Variants in SV2C observed in about 807,000 individuals in gnomAD.
SV2C encodes synaptic vesicle glycoprotein 2C.
SV2C carries 49 observed loss-of-function variants against 79.7 expected under a neutral mutation model. The observed-to-expected ratio is 0.61, with a 90% CI of 0.49 to 0.78. The LOEUF is 0.78. SV2C is among the 30% of genes least tolerant of loss of function. The probability of loss-of-function intolerance (pLI) is 0.00; values close to 1 mark genes in which losing one functional copy is unlikely to be tolerated. For missense variants in SV2C, 833 were observed against 912.9 expected, an observed-to-expected ratio of 0.91 and a Z score of 1.13; for synonymous variants, 334 against 333.2, an observed-to-expected ratio of 1.00 and a Z score of -0.03.
chr5:76,094,212 A>G (rs1747469764), intron 1 of SV2C, among the ~76,000 whole-genome samples: 1 of 152,204 alleles, frequency 6.6e-6, no homozygotes, highest in African/African-American at 2.4e-5. Flanking sequence ...TTTTTTCCAC[A>G]GAAAACATAG....
chr5:76,205,241 T>A (rs1200912483), intron 3 of SV2C, among the ~76,000 whole-genome samples: 2 of 152,112 alleles, frequency 1.3e-5, no homozygotes, highest in African/African-American at 4.8e-5. Flanking sequence ...ATGTGTTTAA[T>A]ACAGAATGTT....
chr5:76,244,812 A>G (rs1315004223), intron 4 of SV2C, among the ~76,000 whole-genome samples: 1 of 152,236 alleles, frequency 6.6e-6, no homozygotes, highest in African/African-American at 2.4e-5. Context: ...CACACTAGCC[A>G]TGTTTCAAGG....
chr5:76,035,121 A>G, the SV2C span, among the ~76,000 whole-genome samples: 3 of 151,398 alleles, frequency 2.0e-5, no homozygotes, highest in Non-Finnish European at 4.4e-5. Context: ...TATTGCGTCT[A>G]TTTGATTCTT....
intron 4 of SV2C, among the ~76,000 whole-genome samples, chr5:76,258,407 C>T (rs534465466): frequency 7.2e-5 from 11 of 152,246 alleles, no homozygotes; most frequent in Middle Eastern, 3.4e-3. Context: ...ATGTCCTCTT[C>T]AGGAGCTATC....
the SV2C span, among the ~76,000 whole-genome samples, chr5:75,849,410 A>C: frequency 6.6e-6 from 1 of 152,212 alleles, no homozygotes; most frequent in Non-Finnish European, 1.5e-5. Flanking sequence ...GTATACACAA[A>C]AAATCCTGTG....
chr5:75,981,563 C>T, the SV2C span, among the ~76,000 whole-genome samples: 16 of 152,220 alleles, frequency 1.1e-4, no homozygotes, highest in South Asian at 2.1e-3. Context: ...AATAAGACCA[C>T]ACGCCAACAA....
the SV2C span, among the ~76,000 whole-genome samples, chr5:75,956,953 C>T: frequency 6.6e-6 from 1 of 151,926 alleles, no homozygotes; most frequent in South Asian, 2.1e-4. Context: ...GCCATCTACT[C>T]TCCTCCTCCC....
chr5:76,348,936 T>C (rs942266628), intron 12 of SV2C, among the ~76,000 whole-genome samples: 3 of 151,906 alleles, frequency 2.0e-5, no homozygotes, highest in South Asian at 4.2e-4. Context: ...GAGGCAGAGT[T>C]TGCAGCGAGC....
chr5:76,143,275 G>A (rs1749317306), intron 2 of SV2C, among the ~76,000 whole-genome samples: 1 of 152,140 alleles, frequency 6.6e-6, no homozygotes, highest in Non-Finnish European at 1.5e-5. Flanking sequence ...GAAAACATTA[G>A]TGGTCAGATG....
chr5:75,913,189 T>G, the SV2C span, among the ~76,000 whole-genome samples: 8 of 152,310 alleles, frequency 5.3e-5, no homozygotes, highest in Middle Eastern at 0.014. Flanking sequence ...AGCAGGGCTT[T>G]CCAAGTGATA....
At chr5:76,066,710 G>T in the SV2C span, among the ~76,000 whole-genome samples, 3 of 151,604 alleles carry the variant, frequency 2.0e-5, no homozygotes, top group African/African-American at 7.3e-5. Context: ...CACATGAAGG[G>T]ATGCTCTGAG....
At chr5:75,967,565 C>T in the SV2C span, among the ~76,000 whole-genome samples, 6 of 152,156 alleles carry the variant, frequency 3.9e-5, no homozygotes, top group Non-Finnish European at 5.9e-5. Context: ...CACAGAGCCT[C>T]GCCCACTGCT....
At chr5:76,216,785 C>T (rs1172631746) in intron 4 of SV2C, among the ~76,000 whole-genome samples, 1 of 152,190 alleles carries the variant, frequency 6.6e-6, no homozygotes, top group Non-Finnish European at 1.5e-5. Context: ...AATCAGGACA[C>T]ATCAGCATTT....
At chr5:76,189,788 G>A (rs1383436861) in intron 2 of SV2C, among the ~76,000 whole-genome samples, 1 of 152,226 alleles carries the variant, frequency 6.6e-6, no homozygotes, top group Non-Finnish European at 1.5e-5. Context: ...TCTGAGCACA[G>A]GATCCTTCAT....
At chr5:76,103,033 G>T (rs1315587909) in intron 1 of SV2C, among the ~76,000 whole-genome samples, 1 of 152,124 alleles carries the variant, frequency 6.6e-6, no homozygotes. Flanking sequence ...ATGTGTCACT[G>T]CTTCCTCTCC....
At chr5:75,970,220 AG>A in the SV2C span, among the ~76,000 whole-genome samples, 2 of 152,130 alleles carry the variant, frequency 1.3e-5, no homozygotes, top group African/African-American at 4.8e-5. Context: ...AAGAGAAAGC[AG>A]GAAAGATCTA....
At chr5:76,284,695 C>T (rs1363686570) in intron 4 of SV2C, among the ~76,000 whole-genome samples, 1 of 152,190 alleles carries the variant, frequency 6.6e-6, no homozygotes, top group African/African-American at 2.4e-5. Context: ...AATATCCCAA[C>T]CCTCCTTCAC....
the SV2C span, among the ~76,000 whole-genome samples, chr5:75,965,321 C>T: frequency 6.6e-6 from 1 of 152,274 alleles, no homozygotes; most frequent in Non-Finnish European, 1.5e-5. Flanking sequence ...ATGTTTGTGT[C>T]TCCCATGAAT....
chr5:76,216,351 C>A (rs1301892586), intron 4 of SV2C, among the ~76,000 whole-genome samples: 1 of 152,172 alleles, frequency 6.6e-6, no homozygotes, highest in Non-Finnish European at 1.5e-5. Context: ...ACCTTCCCTG[C>A]CACCACTCCA....
Sources: allele counts gnomAD v4.1 joint callset (sites outside exome capture counted in the v4.1 genomes callset), GRCh38; gene constraint gnomAD v4.1.1; transcripts MANE v1.5; gene names NCBI Gene and HGNC (gene_info 2026-07-23, HGNC 2026-07-21).